EXOC5: variants seen among roughly 807,000 people sequenced by gnomAD.
EXOC5 encodes the protein SEC10-like 1.
EXOC5 carries 17 observed loss-of-function variants against 90.8 expected under a neutral mutation model. The observed-to-expected ratio is 0.19, with a 90% CI of 0.13 to 0.28. EXOC5 has a LOEUF of 0.28. Ranked by LOEUF, EXOC5 falls within the 10% of genes least tolerant of loss-of-function variation. The probability of loss-of-function intolerance (pLI) is 1.00; values close to 1 mark genes in which losing one functional copy is unlikely to be tolerated. For synonymous variants in EXOC5, 260 were observed against 270.0 expected, an observed-to-expected ratio of 0.96 and a Z score of 0.36; for missense variants, 569 against 830.6, an observed-to-expected ratio of 0.69 and a Z score of 3.87.
At chr14:57,234,412 CAGAG>C (rs1198472958) in intron 7 of EXOC5, among the ~76,000 whole-genome samples, 1 of 150,964 alleles carries the variant, frequency 6.6e-6, no homozygotes, top group Non-Finnish European at 1.5e-5. Flanking sequence ...CACACATACA[CAGAG>C]AGTCAAGGTC....
intron 12 of EXOC5, among the ~76,000 whole-genome samples, 175 bp from the exon 13 acceptor site, chr14:57,222,591 T>C (rs1342081597): frequency 6.6e-6 from 1 of 151,632 alleles, no homozygotes; most frequent in Non-Finnish European, 1.5e-5. Flanking sequence ...ACAATTACAA[T>C]GCTCCATATT....
rs1882642697 is a variant in EXOC5 at position 57,206,054 on chromosome 14, T to C, written c.*2555A>G. 2.2e-6 allele frequency: 1 copy of C among 447,060 alleles called. No individual in the cohort carries two copies. Among genetic ancestry groups the C allele is most frequent in the African/African-American group, 2.0e-5 (1 of 49,308 alleles). 27.7% of individuals were successfully genotyped at this position (447,060 alleles called of 1,614,324 possible). A position where few individuals can be genotyped will look rare whatever the true frequency, so the allele number is the denominator to read the frequency against. ...TTAAATTCGTATTCTGTATTTCAGA[T>C]ATTTCTCAATTTTAGAAAAACAATG... On this transcript the variant is annotated 3_prime_UTR_variant, in exon 18 of 18. Transcript: ENST00000621441.
chr14:57,208,331 CAG>C lies in EXOC5; in HGVS notation c.*276_*277del. 1 of 279,382 alleles carries C rather than the reference CAG, an allele frequency of 3.6e-6. No individual in the cohort carries two copies. The highest frequency in any genetic ancestry group is 1.5e-4 in the South Asian group (1 of 6,500). 17.3% of individuals were successfully genotyped at this position (279,382 alleles called of 1,614,324 possible). On this transcript the variant is annotated 3_prime_UTR_variant, in exon 18 of 18. Coordinates refer to ENST00000621441, the MANE Select transcript of EXOC5 (RefSeq NM_006544.4). The stretch of plus-strand genomic sequence containing the variant: ...ACAGCAACATTTTCTAGGATAAAAA[CAG>C]TGACATGTAGTTTTAGAGAATCTGA...
chr14:57,235,061 G>A (rs2139640373), intron 7 of EXOC5, among the ~76,000 whole-genome samples: 1 of 152,158 alleles, frequency 6.6e-6, no homozygotes, highest in African/African-American at 2.4e-5. Context: ...GCAATATAAA[G>A]TGCACTACTG....
chr14:57,265,392 T>C (rs1433541971), intron 1 of EXOC5, among the ~76,000 whole-genome samples: 2 of 151,990 alleles, frequency 1.3e-5, no homozygotes, highest in Admixed American at 6.6e-5. Flanking sequence ...ATGTCCTCAG[T>C]AGTACAATAA....
chr14:57,212,814 G>A (rs1882868211), intron 15 of EXOC5, among the ~76,000 whole-genome samples: 1 of 152,108 alleles, frequency 6.6e-6, no homozygotes, highest in Non-Finnish European at 1.5e-5. Context: ...AATTCATCAT[G>A]ATAGATCTTT....
At chr14:57,208,941 T>C (rs1882741512) in intron 17 of EXOC5, 144 bp from the exon 18 acceptor site, 1 of 541,326 alleles carries the variant, frequency 1.8e-6, no homozygotes, top group Non-Finnish European at 3.3e-6. Context: ...AAGATCACAA[T>C]GCATTAAAAC....
Position 57,268,764 on chromosome 14 carries a change from C to T in EXOC5, c.-116G>A. 6.8e-7 allele frequency: 1 copy of T among 1,461,754 alleles called. No individual in the cohort carries two copies. The highest frequency in any genetic ancestry group is 9.0e-7 in the Non-Finnish European group (1 of 1,111,988). 90.5% of individuals were successfully genotyped at this position (1,461,754 alleles called of 1,614,324 possible). ...GCTCGCCAGCTCCGGCTCCGGGCCG[C>T]TGCGGGCTCCCCAGCTCCCCACAGA... On this transcript the variant is annotated 5_prime_UTR_variant, in exon 1 of 18. Coordinates refer to ENST00000621441, the MANE Select transcript of EXOC5 (RefSeq NM_006544.4).
Position 57,268,732 on chromosome 14 carries a change from C to T in EXOC5, c.-84G>A. 3.3e-6 allele frequency: 5 copies of T among 1,506,106 alleles called. No homozygotes were observed. Among genetic ancestry groups the T allele is most frequent in the South Asian group, 2.5e-5 (2 of 81,236 alleles). The allele number at this position is 1,506,106 out of a possible 1,614,324, so 93.3% of individuals were successfully genotyped here. A position where few individuals can be genotyped will look rare whatever the true frequency, so the allele number is the denominator to read the frequency against. ...CCTCAGAGGCGCGGCGCACAGGTCT[C>T]CGCTCGGCTCGCCAGCTCCGGCTCC... On this transcript the variant is annotated 5_prime_UTR_variant, in exon 1 of 18. Coordinates refer to ENST00000621441, the MANE Select transcript of EXOC5 (RefSeq NM_006544.4).
intron 7 of EXOC5, among the ~76,000 whole-genome samples, chr14:57,234,346 T>C (rs758346153): frequency 1.3e-5 from 2 of 151,606 alleles, no homozygotes; most frequent in African/African-American, 4.8e-5. Context: ...TCTAGCCATC[T>C]CCTTCAACTC....
intron 15 of EXOC5, among the ~76,000 whole-genome samples, chr14:57,212,834 A>C (rs978567254): frequency 6.6e-6 from 1 of 152,188 alleles, no homozygotes; most frequent in Admixed American, 6.5e-5. Flanking sequence ...TGCTTGTTTC[A>C]TGATCACCAT....
rs970250562 is a variant in EXOC5, at chr14:57,201,933, A to G, written c.*6676T>C. 1 of 152,062 alleles carries G rather than the reference A, an allele frequency of 6.6e-6. No homozygotes were observed. Among genetic ancestry groups the G allele is most frequent in the South Asian group, 2.1e-4 (1 of 4,820 alleles). The allele number at this position is 152,062 out of a possible 1,614,324, so 9.4% of individuals were successfully genotyped here. A position where few individuals can be genotyped will look rare whatever the true frequency, so the allele number is the denominator to read the frequency against. ...TATATATGTCTGTATCTATTAATAT[A>G]TATCTACCTCCAAAATATTTACAAA... On this transcript the variant is annotated 3_prime_UTR_variant, in exon 18 of 18. Transcript: ENST00000621441.
rs551301128 is a variant in EXOC5, at chr14:57,206,684, T to G, written c.*1925A>C. The stretch of plus-strand genomic sequence containing the variant: ...GTCACTGTCCTATCAACGGACATAA[T>G]AGAAAATATTGCACAGAACTCAAAC... On this transcript the variant is annotated 3_prime_UTR_variant, in exon 18 of 18. Transcript: ENST00000621441. The G allele has an allele frequency of 6.6e-6, 1 of 152,386 alleles. No individual in the cohort carries two copies. Among genetic ancestry groups the G allele is most frequent in the Non-Finnish European group, 1.5e-5 (1 of 67,904 alleles). 9.4% of individuals were successfully genotyped at this position (152,386 alleles called of 1,614,324 possible).
At chr14:57,214,045 A>G (rs746311176) in intron 15 of EXOC5, among the ~76,000 whole-genome samples, 18 of 152,192 alleles carry the variant, frequency 1.2e-4, no homozygotes, top group Non-Finnish European at 2.1e-4. Context: ...GGGTATCTGT[A>G]GGCCTTTTTG....
intron 2 of EXOC5, among the ~76,000 whole-genome samples, chr14:57,247,184 A>G (rs1378925259): frequency 1.3e-5 from 2 of 152,246 alleles, no homozygotes; most frequent in East Asian, 3.9e-4. Context: ...TCCCCAATAA[A>G]CCCCTAGAAT....
Position 57,234,472 on chromosome 14 carries a change from TATAA to T in EXOC5, c.670-444_670-441del, listed in dbSNP as rs574500917. Among the ~76,000 whole-genome samples the T allele has an allele frequency of 2.1e-3, 321 of 149,576 alleles. 1 individual carries two copies. Among genetic ancestry groups the T allele is most frequent in the African/African-American group, 7.3e-3 (299 of 40,980 alleles). The stretch of plus-strand genomic sequence containing the variant: ...TATATATGTATGTGTTTTATATACA[TATAA>T]ATATATTTATATATATTAAAGTGTG... On this transcript the variant is annotated intron_variant, in intron 7 of 17. Coordinates refer to ENST00000621441, the MANE Select transcript of EXOC5 (RefSeq NM_006544.4).
Position 57,239,598 on chromosome 14 carries a change from T to A in EXOC5, c.527A>T (p.Asp176Val), listed in dbSNP as rs754710327. 6.6e-7 allele frequency: 1 copy of A among 1,508,100 alleles called. No individual in the cohort carries two copies. The highest frequency in any genetic ancestry group is 1.3e-5 in the South Asian group (1 of 79,504). 93.4% of individuals were successfully genotyped at this position (1,508,100 alleles called of 1,614,324 possible). A position where few individuals can be genotyped will look rare whatever the true frequency, so the allele number is the denominator to read the frequency against. Residue 176 changes from aspartate (D) to valine (V), a missense_variant, in exon 5 of 18, where the codon GAT (aspartate) becomes GTT (valine). Around this residue, in one of 9 missense-constraint regions of EXOC5, gnomAD observed 97 missense variants for 177.9 expected, o/e 0.55. Transcript: ENST00000621441. Reference protein sequence around the residue: ...LHLIAQELPFDRFSEVKSKIA... With the variant: ...LHLIAQELPFVRFSEVKSKIA... ...AGCTCTTGAGAAATGAACTTGCCTA[T>A]CAAAAGGTAACTCTTGGGCAATTAG...
Position 57,232,751 on chromosome 14 carries a change from T to C in EXOC5, c.856-2A>G. 1 of 1,448,302 alleles carries C rather than the reference T, an allele frequency of 6.9e-7. No individual in the cohort carries two copies. Among genetic ancestry groups the C allele is most frequent in the Non-Finnish European group, 9.5e-7 (1 of 1,050,404 alleles). The allele number at this position is 1,448,302 out of a possible 1,614,324, so 89.7% of individuals were successfully genotyped here. A position where few individuals can be genotyped will look rare whatever the true frequency, so the allele number is the denominator to read the frequency against. On this transcript the variant is annotated splice_acceptor_variant, in intron 9 of 17. Transcript: ENST00000621441. LOFTEE classifies it high-confidence loss of function. ...TTCTAACTGCTCTTTCACAAAACTC[T>C]AAAAGAAAAAGGTTAACATTCTGTT... is the stretch of plus-strand genomic sequence containing the variant.
intron 5 of EXOC5, among the ~76,000 whole-genome samples, chr14:57,238,351 T>TAC (rs1266638975): frequency 2.2e-5 from 1 of 45,304 alleles, no homozygotes; most frequent in East Asian, 4.8e-4. Flanking sequence ...TAATTAGACA[T>TAC]ATATATATAT....
Sources: gnomAD v4.1 joint callset for allele counts (sites outside exome capture counted in the v4.1 genomes callset) on GRCh38, gnomAD v4.1.1 for gene constraint, gnomAD v4.1.1 regional missense constraint, MANE v1.5 for transcripts, NCBI Gene and HGNC (gene_info 2026-07-23, HGNC 2026-07-21) for gene names.